Variants in PHF2 observed in about 807,000 individuals in gnomAD.
PHF2 encodes lysine-specific demethylase PHF2.
Under a neutral mutation model 120.5 loss-of-function variants are expected in PHF2, and 27 were observed. The ratio of observed to expected loss-of-function variants is 0.22; its 90% CI spans 0.17 to 0.31. PHF2 has a LOEUF of 0.31. Among genes scored for constraint, PHF2 ranks in the 10% least tolerant of loss-of-function variants. The pLI is 1.00. For missense variants in PHF2, 1,024 were observed against 1,434.8 expected, an observed-to-expected ratio of 0.71 and a Z score of 4.63; for synonymous variants, 568 against 592.5, an observed-to-expected ratio of 0.96 and a Z score of 0.60.
At chr9:93,627,981 T>A (rs1345584026) in intron 1 of PHF2, among the ~76,000 whole-genome samples, 1 of 152,212 alleles carries the variant, frequency 6.6e-6, no homozygotes, top group Non-Finnish European at 1.5e-5. Context: ...TGCTGTCCCA[T>A]CCTCCAGGAC....
intron 1 of PHF2, among the ~76,000 whole-genome samples, chr9:93,602,132 ACGAGTT>A (rs1825450528): frequency 1.3e-5 from 2 of 151,852 alleles, no homozygotes; most frequent in Non-Finnish European, 2.9e-5. Flanking sequence ...CTTCCAGTTC[ACGAGTT>A]CTCTGAAGGT....
intron 14 of PHF2, among the ~76,000 whole-genome samples, chr9:93,664,928 G>A (rs1466876774): frequency 6.6e-6 from 1 of 152,254 alleles, no homozygotes; most frequent in Non-Finnish European, 1.5e-5. Flanking sequence ...GTATCCAGGT[G>A]TCTGCACTTC....
intron 3 of PHF2, among the ~76,000 whole-genome samples, chr9:93,645,191 C>T (rs1465342582): frequency 2.0e-5 from 3 of 152,326 alleles, no homozygotes; most frequent in East Asian, 3.9e-4. Flanking sequence ...AGCTGTGATT[C>T]GGTGGCCCTG....
chr9:93,647,274 C>T (rs760725821), intron 4 of PHF2, among the ~76,000 whole-genome samples: 7 of 152,204 alleles, frequency 4.6e-5, no homozygotes, highest in Non-Finnish European at 8.8e-5. Flanking sequence ...TAATTTCCTC[C>T]CTTCCACAGC....
At chr9:93,664,406 T>C (rs1826638099) in intron 14 of PHF2, among the ~76,000 whole-genome samples, 1 of 152,192 alleles carries the variant, frequency 6.6e-6, no homozygotes, top group Non-Finnish European at 1.5e-5. Context: ...GGCCTGTGTG[T>C]GCTCCCGGTG....
chr9:93,589,689 A>G (rs901745175), intron 1 of PHF2, among the ~76,000 whole-genome samples: 27 of 152,384 alleles, frequency 1.8e-4, no homozygotes, highest in Admixed American at 1.5e-3. Context: ...TTTTGCAAAC[A>G]GAACATTAGC....
At chr9:93,651,201 T>C (rs1826364513) in intron 5 of PHF2, among the ~76,000 whole-genome samples, 1 of 151,458 alleles carries the variant, frequency 6.6e-6, no homozygotes, top group Admixed American at 6.6e-5. Context: ...GAGAAAGTGG[T>C]ATGTATTGCT....
chr9:93,619,488 G>T (rs1291340193), intron 1 of PHF2, among the ~76,000 whole-genome samples: 2 of 152,242 alleles, frequency 1.3e-5, no homozygotes, highest in Admixed American at 6.5e-5. Context: ...GGCGACTCGT[G>T]GGGTGGTGGA....
chr9:93,643,191 C>A (rs1457540411), intron 3 of PHF2, among the ~76,000 whole-genome samples: 1 of 152,156 alleles, frequency 6.6e-6, no homozygotes, highest in African/African-American at 2.4e-5. Flanking sequence ...TGTCCACCTA[C>A]AAGACGGTTT....
chr9:93,631,890 A>G (rs1410581409), intron 2 of PHF2, among the ~76,000 whole-genome samples: 1 of 152,088 alleles, frequency 6.6e-6, no homozygotes, highest in Non-Finnish European at 1.5e-5. Context: ...AGACTGGTAG[A>G]AAAGAAAGTG....
intron 2 of PHF2, among the ~76,000 whole-genome samples, chr9:93,631,232 G>C (rs548364840): frequency 2.6e-5 from 4 of 152,350 alleles, no homozygotes; most frequent in Admixed American, 1.3e-4. Context: ...GGACCTGGCT[G>C]CTCTTTCTTG....
At chr9:93,625,026 C>T (rs1252019543) in intron 1 of PHF2, among the ~76,000 whole-genome samples, 4 of 152,150 alleles carry the variant, frequency 2.6e-5, no homozygotes, top group African/African-American at 4.8e-5. Context: ...TTCAGTGGTA[C>T]TTAGTAAATT....
chr9:93,663,978 G>T (rs764576002), intron 14 of PHF2, among the ~76,000 whole-genome samples: 1 of 152,260 alleles, frequency 6.6e-6, no homozygotes. Flanking sequence ...TCCACCTGTA[G>T]TGTGGGTGTG....
intron 2 of PHF2, among the ~76,000 whole-genome samples, chr9:93,634,820 C>G (rs79565493): frequency 0.06 from 9,203 of 152,272 alleles, 389 homozygotes; most frequent in Non-Finnish European, 0.088. Context: ...TTAGGAGCAC[C>G]AAGCCAGCCT....
intron 1 of PHF2, among the ~76,000 whole-genome samples, chr9:93,579,590 T>C (rs185647209): frequency 2.6e-5 from 4 of 152,360 alleles, no homozygotes; most frequent in African/African-American, 4.8e-5. Flanking sequence ...CTCGAAAATA[T>C]TGCTTTTAAA....
chr9:93,655,867 C>G (rs1218758442), intron 7 of PHF2, 67 bp from the exon 8 acceptor site: 1 of 1,208,736 alleles, frequency 8.3e-7, no homozygotes, highest in East Asian at 2.5e-5. Context: ...GCTCCCTGAT[C>G]TAGAGCCATG....
chr9:93,585,096 C>T (rs1166944815), intron 1 of PHF2, among the ~76,000 whole-genome samples: 1 of 152,244 alleles, frequency 6.6e-6, no homozygotes, highest in Non-Finnish European at 1.5e-5. Context: ...ACTGAATTTA[C>T]AGAACTGTAC....
chr9:93,584,738 A>G (rs1252571659), intron 1 of PHF2, among the ~76,000 whole-genome samples: 1 of 152,212 alleles, frequency 6.6e-6, no homozygotes, highest in African/African-American at 2.4e-5. Context: ...CTTGCGTTCC[A>G]TATGAATTTG....
chr9:93,634,986 C>T (rs895392180), intron 2 of PHF2, among the ~76,000 whole-genome samples: 6 of 152,198 alleles, frequency 3.9e-5, no homozygotes, highest in Non-Finnish European at 5.9e-5. Flanking sequence ...CTAGTAAAGA[C>T]GAGGCACAGA....
Sources: allele counts gnomAD v4.1 joint callset (sites outside exome capture counted in the v4.1 genomes callset), GRCh38; gene constraint gnomAD v4.1.1; transcripts MANE v1.5; gene names NCBI Gene and HGNC (gene_info 2026-07-23, HGNC 2026-07-21).